The following SAMD5 variants were observed in gnomAD, a reference collection of about 807,000 sequenced individuals.
The protein encoded by SAMD5 is sterile alpha motif domain-containing protein 5.
SAMD5 carries 13 observed loss-of-function variants against 11.3 expected under a neutral mutation model. The ratio of observed to expected loss-of-function variants is 1.15; its 90% CI spans 0.75 to 1.83. The LOEUF is 1.83. Among genes scored for constraint, SAMD5 ranks in the 40% most tolerant of loss-of-function variants. The pLI, the probability that SAMD5 is intolerant of heterozygous loss-of-function variation, is 0.00. For missense variants in SAMD5, 255 were observed against 239.1 expected, an observed-to-expected ratio of 1.07 and a Z score of -0.44; for synonymous variants, 129 against 111.3, an observed-to-expected ratio of 1.16 and a Z score of -1.00.
intron 1 of SAMD5, among the ~76,000 whole-genome samples, chr6:147,725,117 T>C (rs1187636813): frequency 6.6e-6 from 1 of 152,236 alleles, no homozygotes; most frequent in African/African-American, 2.4e-5. Flanking sequence ...AAATTTCATA[T>C]AACTAGGTTT....
chr6:147,617,434 T>C (rs559196300), intron 1 of SAMD5, among the ~76,000 whole-genome samples: 5 of 152,350 alleles, frequency 3.3e-5, no homozygotes, highest in South Asian at 2.1e-4. Flanking sequence ...TTGTGACTTA[T>C]AGACTCTACT....
intron 1 of SAMD5, among the ~76,000 whole-genome samples, chr6:147,608,045 A>G (rs1260720880): frequency 6.6e-6 from 1 of 152,254 alleles, no homozygotes; most frequent in Non-Finnish European, 1.5e-5. Context: ...GGTGCTTAAC[A>G]TCACTGATCA....
chr6:147,721,045 T>C (rs1286761649), intron 1 of SAMD5, among the ~76,000 whole-genome samples: 82 of 117,706 alleles, frequency 7.0e-4, no homozygotes, highest in African/African-American at 1.6e-3. Context: ...TTTTTATGGC[T>C]GCATAGTATT....
intron 1 of SAMD5, among the ~76,000 whole-genome samples, chr6:147,520,221 G>A (rs917180236): frequency 6.6e-6 from 1 of 151,286 alleles, no homozygotes; most frequent in Non-Finnish European, 1.5e-5. Flanking sequence ...AGGTTCAAGC[G>A]ATTCTCCTGC....
intron 1 of SAMD5, among the ~76,000 whole-genome samples, chr6:147,588,189 G>A (rs1263702801): frequency 6.6e-6 from 1 of 151,344 alleles, no homozygotes; most frequent in African/African-American, 2.4e-5. Flanking sequence ...GTTATTATAA[G>A]CTAATTAACA....
At chr6:147,877,214 T>G in the SAMD5 span, among the ~76,000 whole-genome samples, 1 of 152,104 alleles carries the variant, frequency 6.6e-6, no homozygotes, top group Admixed American at 6.5e-5. Context: ...AACTAAATAT[T>G]AAATACTAAA....
chr6:147,804,961 A>T, the SAMD5 span, among the ~76,000 whole-genome samples: 1 of 152,262 alleles, frequency 6.6e-6, no homozygotes, highest in Non-Finnish European at 1.5e-5. Context: ...TTCAGTAACT[A>T]CCTATGGTGA....
intron 1 of SAMD5, among the ~76,000 whole-genome samples, chr6:147,702,680 G>T (rs1333835989): frequency 6.6e-6 from 1 of 152,138 alleles, no homozygotes; most frequent in Non-Finnish European, 1.5e-5. Context: ...GTTCAGTTGG[G>T]TGCAAGCTCT....
chr6:147,936,974 G>A, the SAMD5 span, among the ~76,000 whole-genome samples: 2 of 152,152 alleles, frequency 1.3e-5, no homozygotes, highest in Non-Finnish European at 2.9e-5. Context: ...GTGTGTTGAG[G>A]GGAGGACGAG....
chr6:147,709,910 G>T (rs1791372883), intron 1 of SAMD5, among the ~76,000 whole-genome samples: 1 of 152,036 alleles, frequency 6.6e-6, no homozygotes, highest in Non-Finnish European at 1.5e-5. Context: ...AAGCACAATT[G>T]TGTCTTGCCG....
At chr6:147,694,346 G>A (rs1377248709) in intron 1 of SAMD5, among the ~76,000 whole-genome samples, 1 of 152,170 alleles carries the variant, frequency 6.6e-6, no homozygotes, top group East Asian at 1.9e-4. Context: ...TCCTTGTGAA[G>A]TGGCCCCTCA....
chr6:147,666,627 CT>C (rs897098717), intron 1 of SAMD5, among the ~76,000 whole-genome samples: 41 of 152,280 alleles, frequency 2.7e-4, no homozygotes, highest in African/African-American at 9.9e-4. Flanking sequence ...GATCTCCTTT[CT>C]TTTTGTGATC....
At chr6:147,600,464 G>T (rs1430637259) in intron 1 of SAMD5, among the ~76,000 whole-genome samples, 1 of 152,188 alleles carries the variant, frequency 6.6e-6, no homozygotes, top group Non-Finnish European at 1.5e-5. Context: ...ACTGAGCAAT[G>T]ACCAGCCTCC....
At chr6:147,804,652 G>A in the SAMD5 span, among the ~76,000 whole-genome samples, 1 of 152,088 alleles carries the variant, frequency 6.6e-6, no homozygotes, top group African/African-American at 2.4e-5. Context: ...CAACTGAAAA[G>A]TGCAAAAAAA....
At position 147,568,080 on chromosome 6, in the gene SAMD5, G is replaced by A; in HGVS notation, c.*3624G>A. 4 of 985,120 alleles carry A rather than the reference G, an allele frequency of 4.1e-6. No homozygotes were observed. Among genetic ancestry groups the A allele is most frequent in the African/African-American group, 1.7e-5 (1 of 57,326 alleles). The allele number at this position is 985,120 out of a possible 1,614,324, so 61.0% of individuals were successfully genotyped here. A position where few individuals can be genotyped will look rare whatever the true frequency, so the allele number is the denominator to read the frequency against. Reference sequence around the variant, plus strand: ...ATGAATTTGAGGTACAAATGAGTGAGTGACATATGTATATTTTCCTCTGAT... The same window carrying A: ...ATGAATTTGAGGTACAAATGAGTGAATGACATATGTATATTTTCCTCTGAT... On this transcript the variant is annotated 3_prime_UTR_variant, in exon 2 of 2. Transcript: ENST00000367474.
intron 1 of SAMD5, among the ~76,000 whole-genome samples, chr6:147,555,144 C>T (rs1788835351): frequency 6.6e-6 from 1 of 152,194 alleles, no homozygotes; most frequent in Admixed American, 6.5e-5. Context: ...TAAATCTCCA[C>T]CTTTGTGTAC....
In SAMD5 at chr6:147,569,928, G is replaced by T; in HGVS notation, c.*5472G>T. ...GAAGGCACTATGAAAAGCCTAATTG[G>T]AATAGCATTATGAACCATGTAATGC... On this transcript the variant is annotated 3_prime_UTR_variant, in exon 2 of 2. Transcript: ENST00000367474. 1.0e-6 allele frequency: 1 copy of T among 984,848 alleles called. No individual in the cohort carries two copies. Among genetic ancestry groups the T allele is most frequent in the Non-Finnish European group, 1.2e-6 (1 of 829,504 alleles). 61.0% of individuals were successfully genotyped at this position (984,848 alleles called of 1,614,324 possible).
the SAMD5 span, among the ~76,000 whole-genome samples, chr6:147,865,877 TTAA>T: frequency 3.0e-4 from 46 of 152,308 alleles, no homozygotes; most frequent in African/African-American, 1.0e-3. Context: ...TTTATGCCAA[TTAA>T]TAACCTATTT....
chr6:147,836,233 G>A, the SAMD5 span, among the ~76,000 whole-genome samples: 1 of 152,118 alleles, frequency 6.6e-6, no homozygotes, highest in African/African-American at 2.4e-5. Flanking sequence ...TAGTTGGTTA[G>A]TATGCAGATT....
Sources: gnomAD v4.1 joint callset for allele counts (sites outside exome capture counted in the v4.1 genomes callset) on GRCh38, gnomAD v4.1.1 for gene constraint, MANE v1.5 for transcripts, NCBI Gene and HGNC (gene_info 2026-07-23, HGNC 2026-07-21) for gene names.